CDH1: variants seen among roughly 807,000 people sequenced by gnomAD.
The protein encoded by CDH1 is cadherin 1.
CDH1 carries 35 observed loss-of-function variants against 84.5 expected under a neutral mutation model. The observed-to-expected ratio is 0.41, with a 90% CI of 0.32 to 0.55. The LOEUF (loss-of-function observed/expected upper bound fraction) is 0.55. Ranked by LOEUF, CDH1 falls within the 20% of genes least tolerant of loss-of-function variation. The pLI is 0.19. For missense variants in CDH1, 994 were observed against 1,126.6 expected, an observed-to-expected ratio of 0.88 and a Z score of 1.68; for synonymous variants, 417 against 439.0, an observed-to-expected ratio of 0.95 and a Z score of 0.63.
chr16:68,797,122 C>T (rs1181535394), intron 2 of CDH1, among the ~76,000 whole-genome samples: 1 of 151,948 alleles, frequency 6.6e-6, no homozygotes, highest in Non-Finnish European at 1.5e-5. Context: ...CATGATGGCT[C>T]ATGCCTGTAA....
chr16:68,819,223 T>C (rs2152136653), intron 10 of CDH1, 57 bp from the exon 11 acceptor site: 1 of 1,605,644 alleles, frequency 6.2e-7, no homozygotes, highest in Non-Finnish European at 8.5e-7. Context: ...TAAGCCGTTT[T>C]CAGCTACATG....
intron 2 of CDH1, among the ~76,000 whole-genome samples, chr16:68,777,784 T>A (rs976155373): frequency 2.6e-5 from 4 of 152,034 alleles, no homozygotes; most frequent in African/African-American, 4.8e-5. Context: ...CAGGCTGGAG[T>A]GCAGTGGCAC....
At chr16:68,739,152 C>T (rs1293084096) in intron 2 of CDH1, among the ~76,000 whole-genome samples, 2 of 151,636 alleles carry the variant, frequency 1.3e-5, no homozygotes, top group Admixed American at 6.6e-5. Flanking sequence ...CAGTGGCTAA[C>T]GCCTGTAATC....
chr16:68,743,044 C>T (rs1459217030), intron 2 of CDH1, among the ~76,000 whole-genome samples: 2 of 152,212 alleles, frequency 1.3e-5, no homozygotes, highest in Non-Finnish European at 2.9e-5. Flanking sequence ...GCTGCTTCCT[C>T]CCAGTGGGGC....
At chr16:68,786,984 A>G (rs534844950) in intron 2 of CDH1, among the ~76,000 whole-genome samples, 22 of 152,292 alleles carry the variant, frequency 1.4e-4, no homozygotes, top group African/African-American at 5.3e-4. Flanking sequence ...TCTTTGTAGA[A>G]GGTTTCCAGA....
chr16:68,826,059 G>C (rs1961314779), intron 13 of CDH1, among the ~76,000 whole-genome samples: 1 of 151,956 alleles, frequency 6.6e-6, no homozygotes, highest in Non-Finnish European at 1.5e-5. Flanking sequence ...GTCTCAACCA[G>C]TCCTCCCACC....
At chr16:68,828,694 T>C (rs8061932) in intron 14 of CDH1, among the ~76,000 whole-genome samples, 40,742 of 152,110 alleles carry the variant, frequency 0.27, 7,403 homozygotes, top group African/African-American at 0.53. Flanking sequence ...CTTTGTTTCT[T>C]TTGAGTTTTT....
rs143250515 is a variant in CDH1 at position 68,765,905 on chromosome 16, A to G, written c.163+27494A>G. On this transcript the variant is annotated intron_variant, in intron 2 of 15. Coordinates refer to ENST00000261769, the MANE Select transcript of CDH1 (RefSeq NM_004360.5). ...TTTATTGATTGGGAACCCTTCACTTACTGGTATGCATTTAGTTTTACATAT... is the reference window on the plus strand; with the variant it reads ...TTTATTGATTGGGAACCCTTCACTTGCTGGTATGCATTTAGTTTTACATAT... 1.9e-4 allele frequency among the ~76,000 whole-genome samples: 29 copies of G among 152,190 alleles called. No individual in the cohort carries two copies. The East Asian group carries it at 4.1e-3, about 21-fold the overall frequency.
intron 2 of CDH1, among the ~76,000 whole-genome samples, chr16:68,790,497 A>G (rs1017176450): frequency 6.6e-6 from 1 of 152,148 alleles, no homozygotes; most frequent in Non-Finnish European, 1.5e-5. Flanking sequence ...GTTGTTACGC[A>G]TGCAGCCACA....
In CDH1 at chr16:68,834,036, AGCCTT is replaced by A; in HGVS notation, c.*539_*543del. On this transcript the variant is annotated 3_prime_UTR_variant, in exon 16 of 16. Coordinates refer to ENST00000261769, the MANE Select transcript of CDH1 (RefSeq NM_004360.5). ...CAGTGGTGCAATCACAGCTCACTGC[AGCCTT>A]GTCCTCCCAGGCTCAAGCTATCCTT... is the stretch of plus-strand genomic sequence containing the variant. 2.7e-6 allele frequency: 1 copy of A among 370,272 alleles called. No homozygotes were observed. Among genetic ancestry groups the A allele is most frequent in the South Asian group, 2.7e-5 (1 of 37,246 alleles). 22.9% of individuals were successfully genotyped at this position (370,272 alleles called of 1,614,324 possible).
In CDH1 at chr16:68,834,228, A is replaced by G. The variant is rs1303243738; in HGVS notation, c.*729A>G. 4 of 504,348 alleles carry G rather than the reference A, an allele frequency of 7.9e-6. No individual in the cohort carries two copies. The highest frequency in any genetic ancestry group is 4.5e-5 in the East Asian group (1 of 22,308). The allele number at this position is 504,348 out of a possible 1,614,324, so 31.2% of individuals were successfully genotyped here. On this transcript the variant is annotated 3_prime_UTR_variant, in exon 16 of 16. Coordinates refer to ENST00000261769, the MANE Select transcript of CDH1 (RefSeq NM_004360.5). The stretch of plus-strand genomic sequence containing the variant: ...CTTGGCCTCCCAGAGTATTGGGATT[A>G]CAGACATGAGCCACTGCACCTGCCC...
chr16:68,823,343 T>G (rs2152139148), intron 12 of CDH1, 56 bp from the exon 13 acceptor site: 20 of 1,266,472 alleles, frequency 1.6e-5, no homozygotes, highest in Non-Finnish European at 2.1e-5. Flanking sequence ...TATTCTGGAA[T>G]GAGCTTTTTA....
intron 2 of CDH1, among the ~76,000 whole-genome samples, chr16:68,791,266 G>A (rs1008854151): frequency 6.6e-6 from 1 of 152,116 alleles, no homozygotes; most frequent in Non-Finnish European, 1.5e-5. Context: ...GCTCCAAGCT[G>A]GGGCAGTCTC....
At chr16:68,826,656 A>G (rs1480356723) in intron 13 of CDH1, 1 of 152,054 alleles carries the variant, frequency 6.6e-6, no homozygotes, top group Non-Finnish European at 1.5e-5. Flanking sequence ...TTTTCCGCCA[A>G]TGTTTGATTG....
intron 2 of CDH1, among the ~76,000 whole-genome samples, chr16:68,747,236 G>A (rs559493391): frequency 5.3e-5 from 8 of 152,282 alleles, no homozygotes; most frequent in Admixed American, 4.6e-4. Context: ...ACTCCAGGAG[G>A]AGGAAGTGGG....
intron 2 of CDH1, among the ~76,000 whole-genome samples, chr16:68,743,281 CTCTTTCTT>C (rs751271382): frequency 0.011 from 1,476 of 135,562 alleles, 102 homozygotes; most frequent in East Asian, 0.021. Context: ...CTTGCTGGGT[CTCTTTCTT>C]TCTTTCTTTC....
chr16:68,817,713 C>T (rs1389991946), intron 10 of CDH1, among the ~76,000 whole-genome samples: 2 of 151,216 alleles, frequency 1.3e-5, no homozygotes, highest in Non-Finnish European at 2.9e-5. Flanking sequence ...GAGGAATAAT[C>T]AGACAAACCC....
chr16:68,785,099 C>T (rs1960007581), intron 2 of CDH1, among the ~76,000 whole-genome samples: 1 of 152,110 alleles, frequency 6.6e-6, no homozygotes, highest in African/African-American at 2.4e-5. Flanking sequence ...AATAAGGTGC[C>T]TCCCCCATAC....
At chr16:68,802,714 G>T (rs993959252) in intron 3 of CDH1, among the ~76,000 whole-genome samples, 9 of 152,196 alleles carry the variant, frequency 5.9e-5, no homozygotes, top group African/African-American at 1.7e-4. Context: ...CAAATGATCT[G>T]CCTGCCTCAG....
Sources: gnomAD v4.1 joint callset for allele counts (sites outside exome capture counted in the v4.1 genomes callset) on GRCh38, gnomAD v4.1.1 for gene constraint, MANE v1.5 for transcripts, NCBI Gene and HGNC (gene_info 2026-07-23, HGNC 2026-07-21) for gene names.